The following PTH2R variants were observed in gnomAD, a reference collection of about 807,000 sequenced individuals.
PTH2R encodes the protein parathyroid hormone 2 receptor.
PTH2R carries 59 observed loss-of-function variants against 60.3 expected under a neutral mutation model. That is an observed-to-expected ratio of 0.98 (90% CI 0.79 to 1.22). PTH2R has a LOEUF of 1.22. Among genes scored for constraint, PTH2R ranks in the 50% most tolerant of loss-of-function variants. PTH2R has a pLI of 0.00. For synonymous variants in PTH2R, 256 were observed against 243.8 expected (o/e 1.05, Z -0.47); for missense variants, 749 against 682.6 (o/e 1.10, Z -1.08).
chr2:208,454,033 T>A (rs1175456810), intron 8 of PTH2R, among the ~76,000 whole-genome samples: 1 of 152,226 alleles, frequency 6.6e-6, no homozygotes, highest in East Asian at 1.9e-4. Context: ...CTGACCCAAG[T>A]GCCTCCGGGG....
chr2:208,374,923 G>A (rs192629406), intron 1 of PTH2R, among the ~76,000 whole-genome samples: 47 of 152,164 alleles, frequency 3.1e-4, no homozygotes, highest in Admixed American at 5.2e-4. Flanking sequence ...GATGAAAGAC[G>A]CCACTCCTAG....
rs188309806 is a variant in PTH2R, at chr2:208,371,760, T to C, written c.-259+11523T>C. On this transcript the variant is annotated intron_variant, in intron 1 of 12. Coordinates refer to the PTH2R transcript ENST00000617735. The stretch of plus-strand genomic sequence containing the variant: ...GATGCCTCTCTGAGTCATCATAGGT[T>C]GCAAAGTATTAGTTTTTTGCCACTC... 2.6e-4 allele frequency among the ~76,000 whole-genome samples: 40 copies of C among 152,244 alleles called. 1 individual carries two copies. The East Asian group carries it at 7.5e-3, about 29-fold the overall frequency.
intron 1 of PTH2R, among the ~76,000 whole-genome samples, chr2:208,394,520 C>A (rs1438189853): frequency 1.3e-5 from 2 of 152,196 alleles, no homozygotes; most frequent in Non-Finnish European, 2.9e-5. Flanking sequence ...CAGGCATGAC[C>A]CTCTAAGCCA....
At chr2:208,360,065 G>T (rs1294233766) in exon 1 of PTH2R, 1 of 370,936 alleles carries the variant, frequency 2.7e-6, no homozygotes, top group East Asian at 7.5e-5. Flanking sequence ...TAAAATTCCT[G>T]GGTTAATATT....
intron 1 of PTH2R, among the ~76,000 whole-genome samples, chr2:208,385,456 G>T (rs1302127236): frequency 6.6e-6 from 1 of 151,942 alleles, no homozygotes; most frequent in Non-Finnish European, 1.5e-5. Context: ...GGCCACTGGT[G>T]TACATAATAG....
At chr2:208,433,206 T>A (rs968070810) in intron 2 of PTH2R, among the ~76,000 whole-genome samples, 1 of 152,202 alleles carries the variant, frequency 6.6e-6, no homozygotes, top group Non-Finnish European at 1.5e-5. Flanking sequence ...AGCATGTAGA[T>A]AAATAAATAC....
chr2:208,465,209 C>G (rs1702719341), intron 9 of PTH2R, among the ~76,000 whole-genome samples: 1 of 151,742 alleles, frequency 6.6e-6, no homozygotes, highest in African/African-American at 2.4e-5. Context: ...CTCCTGGGCT[C>G]AAGCAATCCA....
intron 1 of PTH2R, among the ~76,000 whole-genome samples, chr2:208,373,007 G>A (rs1406421174): frequency 2.0e-5 from 3 of 152,072 alleles, no homozygotes; most frequent in African/African-American, 7.3e-5. Flanking sequence ...GATCGCTTGA[G>A]CTCGGGATGT....
chr2:208,372,841 T>A (rs1700726261), intron 1 of PTH2R, among the ~76,000 whole-genome samples: 1 of 152,128 alleles, frequency 6.6e-6, no homozygotes. Context: ...TCCTAGCAGT[T>A]TGGGAGGCTG....
At chr2:208,440,310 C>T (rs969536743) in intron 4 of PTH2R, among the ~76,000 whole-genome samples, 5 of 152,160 alleles carry the variant, frequency 3.3e-5, no homozygotes, top group Non-Finnish European at 7.3e-5. Context: ...GAAGTACTAA[C>T]AGTGTTTCTT....
intron 9 of PTH2R, among the ~76,000 whole-genome samples, chr2:208,463,449 A>T (rs937924183): frequency 6.6e-6 from 1 of 152,122 alleles, no homozygotes; most frequent in African/African-American, 2.4e-5. Flanking sequence ...TTAGCATCCC[A>T]GGTCTGCCCT....
chr2:208,453,098 T>C (rs947537213), intron 8 of PTH2R, among the ~76,000 whole-genome samples: 2 of 152,204 alleles, frequency 1.3e-5, no homozygotes, highest in Admixed American at 6.5e-5. Context: ...TAGACAGTTT[T>C]TCTCTTATCT....
At chr2:208,396,171 T>C (rs1190354762) in intron 1 of PTH2R, among the ~76,000 whole-genome samples, 1 of 152,218 alleles carries the variant, frequency 6.6e-6, no homozygotes, top group Admixed American at 6.5e-5. Flanking sequence ...CAAGATGGAT[T>C]GAAGACTTAA....
chr2:208,479,283 C>T (rs1183430795), intron 9 of PTH2R, among the ~76,000 whole-genome samples: 4 of 152,086 alleles, frequency 2.6e-5, no homozygotes, highest in African/African-American at 9.7e-5. Flanking sequence ...AGTGCTTGGT[C>T]CTGGGTCTTT....
intron 1 of PTH2R, among the ~76,000 whole-genome samples, chr2:208,369,640 G>A (rs939536586): frequency 2.0e-5 from 3 of 152,058 alleles, no homozygotes; most frequent in African/African-American, 4.8e-5. Context: ...TTACAAGCGT[G>A]AGCCACTGTG....
chr2:208,479,624 A>G (rs1191358979), intron 9 of PTH2R, among the ~76,000 whole-genome samples: 1 of 152,188 alleles, frequency 6.6e-6, no homozygotes, highest in Non-Finnish European at 1.5e-5. Context: ...TCTTATTAAA[A>G]CAAAATCTAT....
At chr2:208,369,945 C>CAAACATTCCA (rs1197311898) in intron 1 of PTH2R, among the ~76,000 whole-genome samples, 2 of 151,954 alleles carry the variant, frequency 1.3e-5, no homozygotes, top group Non-Finnish European at 2.9e-5. Context: ...CTAAGCATTC[C>CAAACATTCCA]AAAGTAATGA....
At chr2:208,466,768 T>C (rs1702762287) in intron 9 of PTH2R, 2 of 152,200 alleles carry the variant, frequency 1.3e-5, no homozygotes, top group Non-Finnish European at 1.5e-5. Flanking sequence ...TAGCCCCTCA[T>C]TGAATACATT....
chr2:208,408,565 G>A (rs1347181693), intron 1 of PTH2R, among the ~76,000 whole-genome samples: 10 of 151,764 alleles, frequency 6.6e-5, no homozygotes, highest in African/African-American at 2.4e-4. Context: ...GGTGGCTCAC[G>A]CCTGTAATCC....
Sources: gnomAD v4.1 joint callset for allele counts (sites outside exome capture counted in the v4.1 genomes callset) on GRCh38, gnomAD v4.1.1 for gene constraint, MANE v1.5 for transcripts, NCBI Gene and HGNC (gene_info 2026-07-23, HGNC 2026-07-21) for gene names.